SORCS1: variants seen among roughly 807,000 people sequenced by gnomAD.
SORCS1 encodes sortilin related VPS10 domain containing receptor 1.
Under a neutral mutation model 146.1 loss-of-function variants are expected in SORCS1, and 60 were observed. That is an observed-to-expected ratio of 0.41 (90% confidence interval 0.33 to 0.51). The LOEUF is 0.51. SORCS1 is among the 20% of genes least tolerant of loss of function. The probability of loss-of-function intolerance (pLI) is 0.21; values close to 1 mark genes in which losing one functional copy is unlikely to be tolerated. For missense variants in SORCS1, 1,352 were observed against 1,487.6 expected (o/e 0.91, Z 1.50); for synonymous variants, 637 against 584.0 (o/e 1.09, Z -1.31).
intron 1 of SORCS1, among the ~76,000 whole-genome samples, chr10:107,039,095 T>C (rs1357571284): frequency 4.6e-5 from 7 of 152,012 alleles, no homozygotes; most frequent in East Asian, 1.9e-4. Context: ...TTTGGGAGGC[T>C]GAGGCGGGTG....
chr10:106,828,823 A>T (rs1304787746), intron 3 of SORCS1, among the ~76,000 whole-genome samples: 1 of 152,002 alleles, frequency 6.6e-6, no homozygotes, highest in Non-Finnish European at 1.5e-5. Flanking sequence ...ATACCTGAGG[A>T]GTAGATAAGC....
chr10:106,813,814 C>T (rs538152649), intron 3 of SORCS1, among the ~76,000 whole-genome samples: 21 of 152,014 alleles, frequency 1.4e-4, no homozygotes, highest in Admixed American at 5.9e-4. Context: ...GGACAGTGGG[C>T]GGTGTCATGT....
chr10:106,725,664 C>A (rs1268916698), intron 6 of SORCS1, among the ~76,000 whole-genome samples: 2 of 151,958 alleles, frequency 1.3e-5, no homozygotes, highest in Non-Finnish European at 2.9e-5. Flanking sequence ...GCCATGGTGG[C>A]TCACGCTTGT....
In SORCS1 at chr10:107,044,539, G is replaced by A. The variant is rs369446268; in HGVS notation, c.559-87959C>T. ...AAAAAAAAAAAAAAAAAAAAAAAAA[G>A]TTGGCAGGGCACCGTGGCTCACACC... On this transcript the variant is annotated intron_variant, in intron 1 of 25. Transcript: ENST00000263054. Among the ~76,000 whole-genome samples, 300 of 72,576 alleles carry A rather than the reference G, an allele frequency of 4.1e-3. 2 individuals carry two copies. The highest frequency in any genetic ancestry group is 0.011 in the African/African-American group (189 of 17,768). The allele number at this position is 72,576 out of a possible 152,430, so 47.6% of individuals were successfully genotyped here. A position where few individuals can be genotyped will look rare whatever the true frequency, so the allele number is the denominator to read the frequency against.
Position 106,849,174 on chromosome 10 carries a change from A to G in SORCS1, c.627-19501T>C, listed in dbSNP as rs566089699. Reference sequence around the variant, plus strand: ...GAAGTTCTCCTGGATAATATCCTGCAGAGTGTTTTCCAACTTGGTACCATT... The same window carrying G: ...GAAGTTCTCCTGGATAATATCCTGCGGAGTGTTTTCCAACTTGGTACCATT... On this transcript the variant is annotated intron_variant, in intron 2 of 25. Transcript: ENST00000263054. Among the ~76,000 whole-genome samples the G allele has an allele frequency of 1.6e-3, 238 of 149,132 alleles. 3 individuals carry two copies. Among genetic ancestry groups the G allele is most frequent in the African/African-American group, 5.5e-3 (227 of 41,200 alleles).
intron 2 of SORCS1, among the ~76,000 whole-genome samples, chr10:106,904,670 A>C (rs1951841102): frequency 6.6e-6 from 1 of 152,250 alleles, no homozygotes; most frequent in Admixed American, 6.5e-5. Context: ...TATCTAAGTA[A>C]GATTTTAGCT....
intron 1 of SORCS1, among the ~76,000 whole-genome samples, chr10:107,040,457 T>C (rs184885205): frequency 1.9e-4 from 29 of 152,302 alleles, no homozygotes; most frequent in African/African-American, 6.5e-4. Flanking sequence ...TCACCCCTTA[T>C]GGTATTTGGC....
intron 5 of SORCS1, among the ~76,000 whole-genome samples, chr10:106,755,995 G>A (rs945193873): frequency 6.6e-6 from 1 of 152,094 alleles, no homozygotes; most frequent in Non-Finnish European, 1.5e-5. Context: ...CAGGCATGGT[G>A]GCCTGTGCCT....
At chr10:106,629,502 G>C in intron 18 of SORCS1, 114 bp from the exon 19 acceptor site, 1 of 1,000,578 alleles carries the variant, frequency 1.0e-6, no homozygotes, top group Non-Finnish European at 1.5e-6. Context: ...GGCAGCCCTG[G>C]CTCACTCCTA....
At chr10:106,636,895 C>G (rs184692765) in intron 18 of SORCS1, among the ~76,000 whole-genome samples, 130 of 152,314 alleles carry the variant, frequency 8.5e-4, no homozygotes, top group Admixed American at 3.0e-3. Context: ...GGTGCTCATT[C>G]CCAGATGGGT....
chr10:106,750,335 T>C (rs1359329259), intron 5 of SORCS1, among the ~76,000 whole-genome samples: 1 of 152,058 alleles, frequency 6.6e-6, no homozygotes, highest in East Asian at 1.9e-4. Flanking sequence ...TGATGGCCAT[T>C]AGTGAATGAA....
intron 25 of SORCS1, chr10:106,579,159 T>A (rs11192966): frequency 1.3e-5 from 21 of 1,614,078 alleles, no homozygotes; most frequent in Non-Finnish European, 1.7e-5. Flanking sequence ...CTGAGGGACA[T>A]TGGGCCTGCT....
At position 106,831,643 on chromosome 10, in the gene SORCS1, A is replaced by G. The variant is rs191182115; in HGVS notation, c.627-1970T>C. Among the ~76,000 whole-genome samples the G allele has an allele frequency of 1.6e-3, 249 of 152,240 alleles. 1 individual carries two copies. Among genetic ancestry groups the G allele is most frequent in the African/African-American group, 5.6e-3 (231 of 41,520 alleles). On this transcript the variant is annotated intron_variant, in intron 2 of 25. Transcript: ENST00000263054. ...CCATTCAGTATACACAGTGGACCAA[A>G]CACTGGAGCAAGAAAGCTGCATAAA...
intron 1 of SORCS1, among the ~76,000 whole-genome samples, chr10:106,967,072 A>G (rs1247135697): frequency 1.3e-5 from 2 of 151,224 alleles, no homozygotes; most frequent in African/African-American, 4.9e-5. Flanking sequence ...TTAACCTTTG[A>G]CAGGTTCTTC....
At chr10:107,147,080 T>C (rs972496181) in intron 1 of SORCS1, among the ~76,000 whole-genome samples, 1 of 152,160 alleles carries the variant, frequency 6.6e-6, no homozygotes. Flanking sequence ...CCCAACTTAA[T>C]TGATAACCCC....
At chr10:107,090,797 T>C (rs1964128980) in intron 1 of SORCS1, among the ~76,000 whole-genome samples, 1 of 152,152 alleles carries the variant, frequency 6.6e-6, no homozygotes, top group African/African-American at 2.4e-5. Flanking sequence ...GCCAGTAAGA[T>C]TCTGAGCTGG....
chr10:106,860,123 G>A (rs975794628), intron 2 of SORCS1, among the ~76,000 whole-genome samples: 2 of 152,222 alleles, frequency 1.3e-5, no homozygotes, highest in African/African-American at 4.8e-5. Flanking sequence ...ATATAAGAGA[G>A]ATTAGTGACT....
intron 3 of SORCS1, among the ~76,000 whole-genome samples, chr10:106,790,299 C>CA (rs1256313688): frequency 2.6e-5 from 4 of 152,076 alleles, no homozygotes; most frequent in Non-Finnish European, 5.9e-5. Context: ...TCCTGATGCT[C>CA]ACCACACAGA....
chr10:106,671,329 C>G lies in SORCS1; in HGVS notation c.2097G>C (p.Lys699Asn). The change falls in exon 16 of 26, where the codon AAG (lysine) becomes AAC (asparagine). Residue 699 changes from lysine to asparagine, a missense_variant. Around this residue, in one of 3 missense-constraint regions of SORCS1, gnomAD observed 648 missense variants for 793.8 expected, o/e 0.82. Transcript: ENST00000263054. ...ACIMGAKRIY[K>N]KRKSERKCMQ... is the part of the protein sequence containing the mutation. ...TACACTTCCGCTCTGATTTTCGCTTCTTATATATCCTTTTTGCTCCCATGA... is the reference window on the plus strand; with the variant it reads ...TACACTTCCGCTCTGATTTTCGCTTGTTATATATCCTTTTTGCTCCCATGA... The G allele has an allele frequency of 6.2e-7, 1 of 1,614,116 alleles. No homozygotes were observed. The highest frequency in any genetic ancestry group is 8.5e-7 in the Non-Finnish European group (1 of 1,180,000).
Sources: gnomAD v4.1 joint callset for allele counts (sites outside exome capture counted in the v4.1 genomes callset) on GRCh38, gnomAD v4.1.1 for gene constraint, gnomAD v4.1.1 regional missense constraint, MANE v1.5 for transcripts, NCBI Gene and HGNC (gene_info 2026-07-23, HGNC 2026-07-21) for gene names.